The following GALK2 variants were observed in gnomAD, a reference collection of about 807,000 sequenced individuals.
The protein encoded by GALK2 is N-acetylgalactosamine kinase.
In GALK2, 36 loss-of-function variants were observed where a neutral mutation model predicts 52.4. The observed-to-expected ratio is 0.69, with a 90% CI of 0.53 to 0.91. The LOEUF (loss-of-function observed/expected upper bound fraction) is 0.91. Among genes scored for constraint, GALK2 ranks in the 40% least tolerant of loss-of-function variants. GALK2 has a pLI of 0.00. For missense variants in GALK2, 579 were observed against 559.1 expected (o/e 1.04, Z -0.36); for synonymous variants, 176 against 199.1 (o/e 0.88, Z 0.98).
intron 3 of GALK2, among the ~76,000 whole-genome samples, chr15:49,340,073 T>C (rs1394057557): frequency 6.6e-6 from 1 of 152,190 alleles, no homozygotes; most frequent in Non-Finnish European, 1.5e-5. Context: ...TGGGACCCGC[T>C]GAGCCAGACC....
upstream of GALK2, among the ~76,000 whole-genome samples, chr15:49,169,429 A>G (rs1290175662): frequency 6.6e-6 from 1 of 152,040 alleles, no homozygotes; most frequent in Non-Finnish European, 1.5e-5. Context: ...ACATCATTTC[A>G]CCTTTCGTCG....
chr15:49,265,626 C>A, intron 5 of GALK2, among the ~76,000 whole-genome samples: 1 of 152,242 alleles, frequency 6.6e-6, no homozygotes, highest in East Asian at 1.9e-4. Flanking sequence ...GAACCCAGTA[C>A]CTCAGATGGA....
chr15:49,250,399 C>G (rs1489030147), intron 5 of GALK2, among the ~76,000 whole-genome samples: 1 of 152,074 alleles, frequency 6.6e-6, no homozygotes, highest in African/African-American at 2.4e-5. Flanking sequence ...TAAAAGATGT[C>G]TTTTTAAAAA....
intron 3 of GALK2, among the ~76,000 whole-genome samples, chr15:49,219,408 G>A (rs773504227): frequency 2.6e-5 from 4 of 152,120 alleles, no homozygotes; most frequent in Non-Finnish European, 5.9e-5. Flanking sequence ...TGAGGCTCCC[G>A]CAGCCATGTG....
At chr15:49,318,380 C>T (rs1016400856) in intron 8 of GALK2, among the ~76,000 whole-genome samples, 6 of 151,986 alleles carry the variant, frequency 3.9e-5, no homozygotes, top group African/African-American at 1.5e-4. Flanking sequence ...TTAACATTTT[C>T]GTGCTTTCCT....
At chr15:49,202,668 G>A (rs1436248472) in intron 2 of GALK2, among the ~76,000 whole-genome samples, 1 of 152,154 alleles carries the variant, frequency 6.6e-6, no homozygotes, top group African/African-American at 2.4e-5. Flanking sequence ...AAACAAGAGA[G>A]CCACATATCT....
intron 5 of GALK2, among the ~76,000 whole-genome samples, chr15:49,273,397 A>G (rs986435239): frequency 2.0e-5 from 3 of 152,098 alleles, no homozygotes; most frequent in South Asian, 4.1e-4. Flanking sequence ...GGTCATTTGC[A>G]TCTGCTGTGC....
intron 1 of GALK2, among the ~76,000 whole-genome samples, chr15:49,183,087 A>G (rs1257409155): frequency 6.6e-6 from 1 of 151,984 alleles, no homozygotes; most frequent in African/African-American, 2.4e-5. Context: ...ATGTTTCCCC[A>G]ATGTTTTTTG....
chr15:49,253,209 T>A (rs1241662229), intron 5 of GALK2, among the ~76,000 whole-genome samples: 1 of 144,488 alleles, frequency 6.9e-6, no homozygotes, highest in Non-Finnish European at 1.6e-5. Flanking sequence ...CTTCCTTGAG[T>A]TGAAAATACT....
rs1327990412 is a variant in GALK2, at chr15:49,319,713, G to T, written c.1077G>T (p.Leu359=). ...AAGCACCTGAAAACATGGTCCAGCTGCTGGGAGAGTTGATGAACCAGAGCC... is the reference window on the plus strand; with the variant it reads ...AAGCACCTGAAAACATGGTCCAGCTTCTGGGAGAGTTGATGAACCAGAGCC... ...CEEAPENMVQ[L]LGELMNQSHM... is the part of the protein sequence containing the mutation. The change falls in exon 9 of 10, where the codon CTG becomes CTT. Residue 359 remains leucine, a synonymous_variant. Transcript: ENST00000560031. The T allele has an allele frequency of 1.2e-6, 2 of 1,614,040 alleles. No individual in the cohort carries two copies. Among genetic ancestry groups the T allele is most frequent in the Non-Finnish European group, 1.7e-6 (2 of 1,180,038 alleles).
intron 5 of GALK2, among the ~76,000 whole-genome samples, chr15:49,260,208 G>A (rs2092032023): frequency 6.6e-6 from 1 of 152,056 alleles, no homozygotes; most frequent in Admixed American, 6.6e-5. Flanking sequence ...CAGTGTAAAA[G>A]TGTTCCTATT....
chr15:49,283,766 C>T (rs2033026652), intron 7 of GALK2, 48 bp downstream of exon 7: 1 of 1,591,036 alleles, frequency 6.3e-7, no homozygotes, highest in African/African-American at 1.4e-5. Context: ...TTTTTCTTGT[C>T]TTTATTTTCA....
intron 1 of GALK2, among the ~76,000 whole-genome samples, chr15:49,181,606 G>T (rs1272346080): frequency 6.6e-6 from 1 of 150,774 alleles, no homozygotes; most frequent in Non-Finnish European, 1.5e-5. Context: ...CCACCTCCTG[G>T]GTTCAAGCGA....
At chr15:49,216,640 G>A (rs1041759197) in intron 2 of GALK2, among the ~76,000 whole-genome samples, 1 of 152,218 alleles carries the variant, frequency 6.6e-6, no homozygotes, top group Non-Finnish European at 1.5e-5. Context: ...CACTAGGCCA[G>A]TTTAGTTAGC....
chr15:49,268,672 C>T (rs906743648), intron 5 of GALK2, among the ~76,000 whole-genome samples: 13 of 152,300 alleles, frequency 8.5e-5, no homozygotes, highest in African/African-American at 3.1e-4. Flanking sequence ...ACTGGTATAC[C>T]TTAGAAATGA....
intron 8 of GALK2, 148 bp downstream of exon 8, chr15:49,292,685 AATGT>A: frequency 3.0e-6 from 2 of 660,088 alleles, no homozygotes; most frequent in African/African-American, 3.6e-5. Flanking sequence ...TAGCTTCATA[AATGT>A]ATTCATTCAT....
chr15:49,353,875 T>A (rs999879166), intron 3 of GALK2: 1 of 152,232 alleles, frequency 6.6e-6, no homozygotes, highest in Non-Finnish European at 1.5e-5. Flanking sequence ...AAGTAGTCAA[T>A]GACTTGAAAT....
chr15:49,165,927 C>T (rs947595556), upstream of GALK2, among the ~76,000 whole-genome samples: 12 of 151,760 alleles, frequency 7.9e-5, no homozygotes, highest in East Asian at 3.9e-4. Context: ...CTTAGCCTCC[C>T]GAGTAGCTGG....
chr15:49,283,286 A>T (rs2032953110), intron 6 of GALK2, among the ~76,000 whole-genome samples: 1 of 152,176 alleles, frequency 6.6e-6, no homozygotes, highest in Non-Finnish European at 1.5e-5. Context: ...TCCATATAGC[A>T]TCTGTGCTTT....
Sources: allele counts gnomAD v4.1 joint callset (sites outside exome capture counted in the v4.1 genomes callset), GRCh38; gene constraint gnomAD v4.1.1; transcripts MANE v1.5; gene names NCBI Gene and HGNC (gene_info 2026-07-23, HGNC 2026-07-21).